The following FRMD4A variants were observed in gnomAD, a reference collection of about 807,000 sequenced individuals.
FRMD4A encodes FERM domain-containing protein 4A.
A neutral mutation model predicts 129.1 loss-of-function variants in FRMD4A; 29 were observed. The ratio of observed to expected loss-of-function variants is 0.22; its 90% CI spans 0.17 to 0.31. The LOEUF (loss-of-function observed/expected upper bound fraction) is 0.31, where lower values mean the gene tolerates loss of function less well. FRMD4A is among the 10% of genes least tolerant of loss of function. FRMD4A has a pLI of 1.00. For synonymous variants in FRMD4A, 634 were observed against 571.6 expected (o/e 1.11, Z -1.56); for missense variants, 1,272 against 1,375.8 (o/e 0.92, Z 1.19).
intron 12 of FRMD4A, chr10:13,710,740 T>A (rs938282754): frequency 3.3e-5 from 5 of 152,338 alleles, no homozygotes; most frequent in African/African-American, 1.2e-4. Flanking sequence ...GGGCTGGGTA[T>A]GGTGGCTCAT....
chr10:14,090,942 G>A (rs888359462), intron 2 of FRMD4A, among the ~76,000 whole-genome samples: 3 of 152,044 alleles, frequency 2.0e-5, no homozygotes, highest in African/African-American at 2.4e-5. Context: ...CTGAGTAGCC[G>A]GGACCATAGG....
intron 18 of FRMD4A, among the ~76,000 whole-genome samples, chr10:13,664,903 A>G (rs1199208751): frequency 6.6e-6 from 1 of 151,880 alleles, no homozygotes; most frequent in Non-Finnish European, 1.5e-5. Flanking sequence ...TTTGTTTGAG[A>G]TAGAGTTTCG....
intron 3 of FRMD4A, among the ~76,000 whole-genome samples, chr10:13,840,487 C>T (rs2093945245): frequency 6.6e-6 from 1 of 152,138 alleles, no homozygotes; most frequent in African/African-American, 2.4e-5. Flanking sequence ...AATATGGTGA[C>T]AGTTAAAAAG....
At chr10:13,648,469 C>T (rs2081291816) in intron 24 of FRMD4A, among the ~76,000 whole-genome samples, 2 of 152,248 alleles carry the variant, frequency 1.3e-5, no homozygotes, top group African/African-American at 2.4e-5. Flanking sequence ...GTGCTCTCCA[C>T]CATGGCGCCA....
At chr10:14,157,209 A>C (rs923568981) in intron 2 of FRMD4A, among the ~76,000 whole-genome samples, 1 of 152,200 alleles carries the variant, frequency 6.6e-6, no homozygotes. Context: ...GGTTGCCCTA[A>C]GGCTGTGGGA....
At chr10:14,009,447 G>A (rs750838004) in intron 2 of FRMD4A, among the ~76,000 whole-genome samples, 2 of 152,034 alleles carry the variant, frequency 1.3e-5, no homozygotes, top group South Asian at 4.1e-4. Context: ...CCACTCATAC[G>A]CTCTGGGCAC....
intron 2 of FRMD4A, among the ~76,000 whole-genome samples, chr10:14,188,820 C>T (rs577296635): frequency 1.4e-4 from 22 of 152,290 alleles, no homozygotes; most frequent in African/African-American, 4.8e-4. Flanking sequence ...GTGGGAGGAT[C>T]GCCTGAGCCT....
At chr10:13,761,624 C>T (rs1483716265) in intron 8 of FRMD4A, 23 bp downstream of exon 8, 5 of 1,580,208 alleles carry the variant, frequency 3.2e-6, no homozygotes, top group Non-Finnish European at 4.3e-6. Context: ...TTAAACAACA[C>T]AACAACAAAA....
chr10:14,296,093 G>GT (rs1846000018), intron 2 of FRMD4A, among the ~76,000 whole-genome samples: 1 of 151,986 alleles, frequency 6.6e-6, no homozygotes, highest in African/African-American at 2.4e-5. Context: ...GGCGACGGGG[G>GT]GTCTCTGGTC....
At chr10:13,654,058 CCT>C (rs1490552076) in intron 23 of FRMD4A, 14 of 443,370 alleles carry the variant, frequency 3.2e-5, no homozygotes, top group Non-Finnish European at 4.7e-5. Flanking sequence ...TCTTTCTCCC[CCT>C]GACATTCTTG....
intron 12 of FRMD4A, among the ~76,000 whole-genome samples, chr10:13,720,858 T>C (rs1351573789): frequency 6.6e-6 from 1 of 152,052 alleles, no homozygotes; most frequent in Non-Finnish European, 1.5e-5. Flanking sequence ...AATGCTGAAA[T>C]AAACATCAAA....
At chr10:13,728,669 C>T (rs1473017193) in intron 12 of FRMD4A, among the ~76,000 whole-genome samples, 1 of 146,816 alleles carries the variant, frequency 6.8e-6, no homozygotes, top group Admixed American at 7.1e-5. Flanking sequence ...CTCCTGGGTT[C>T]AAGCAATTCT....
intron 2 of FRMD4A, among the ~76,000 whole-genome samples, chr10:13,976,755 T>C (rs573306491): frequency 6.6e-6 from 1 of 152,362 alleles, no homozygotes; most frequent in East Asian, 1.9e-4. Flanking sequence ...TGTTCAGAAG[T>C]GCAATCTAAT....
At chr10:13,895,108 C>T (rs898846788) in intron 2 of FRMD4A, among the ~76,000 whole-genome samples, 3 of 152,192 alleles carry the variant, frequency 2.0e-5, no homozygotes, top group African/African-American at 4.8e-5. Flanking sequence ...TATTTAAGTT[C>T]AGGGGTACAC....
intron 2 of FRMD4A, among the ~76,000 whole-genome samples, chr10:13,893,756 C>A (rs1376068476): frequency 6.6e-6 from 1 of 152,166 alleles, no homozygotes; most frequent in Non-Finnish European, 1.5e-5. Context: ...CTCAGGTGAT[C>A]CACCCACCTT....
At chr10:14,081,230 G>A (rs545309751) in intron 2 of FRMD4A, among the ~76,000 whole-genome samples, 128 of 152,154 alleles carry the variant, frequency 8.4e-4, no homozygotes, top group African/African-American at 3.0e-3. Context: ...CTCTACTTGC[G>A]TGAAATGAAG....
chr10:14,323,847 C>G (rs1843162266), intron 2 of FRMD4A, among the ~76,000 whole-genome samples: 1 of 152,198 alleles, frequency 6.6e-6, no homozygotes, highest in African/African-American at 2.4e-5. Flanking sequence ...AAGAGATGAC[C>G]ATGAAAGAGA....
intron 14 of FRMD4A, among the ~76,000 whole-genome samples, chr10:13,694,737 G>A (rs2086052400): frequency 6.6e-6 from 1 of 152,142 alleles, no homozygotes; most frequent in Non-Finnish European, 1.5e-5. Flanking sequence ...AGCTACTGGG[G>A]AGGCTGAGAC....
At chr10:13,853,623 C>G (rs1457648047) in intron 3 of FRMD4A, among the ~76,000 whole-genome samples, 3 of 151,846 alleles carry the variant, frequency 2.0e-5, no homozygotes, top group African/African-American at 7.3e-5. Flanking sequence ...CACCTGAGGT[C>G]AGGAATTCCA....
Sources: allele counts gnomAD v4.1 joint callset (sites outside exome capture counted in the v4.1 genomes callset), GRCh38; gene constraint gnomAD v4.1.1; transcripts MANE v1.5; gene names NCBI Gene and HGNC (gene_info 2026-07-23, HGNC 2026-07-21).